Variants in NWD2 observed in about 807,000 individuals in gnomAD.
NWD2 encodes the protein NACHT and WD repeat domain-containing protein 2.
NWD2 carries 37 observed loss-of-function variants against 132.7 expected under a neutral mutation model. That is an observed-to-expected ratio of 0.28 (90% confidence interval 0.21 to 0.37). The LOEUF is 0.37. NWD2 is among the 10% of genes least tolerant of loss of function. The pLI is 1.00. For missense variants in NWD2, 1,592 were observed against 2,122.4 expected, an observed-to-expected ratio of 0.75 and a Z score of 4.91; for synonymous variants, 705 against 803.0, an observed-to-expected ratio of 0.88 and a Z score of 2.06.
At chr4:37,425,037 A>T (rs1560252528) in intron 3 of NWD2, among the ~76,000 whole-genome samples, 1 of 152,242 alleles carries the variant, frequency 6.6e-6, no homozygotes, top group Non-Finnish European at 1.5e-5. Flanking sequence ...AGTGGCTTAG[A>T]TGTAGCTATA....
intron 3 of NWD2, among the ~76,000 whole-genome samples, chr4:37,360,724 A>G (rs1445160410): frequency 6.6e-6 from 1 of 152,176 alleles, no homozygotes. Flanking sequence ...TTGTAGAGGG[A>G]GAGGAATACG....
At chr4:37,259,252 T>C (rs1350658756) in intron 1 of NWD2, among the ~76,000 whole-genome samples, 1 of 152,194 alleles carries the variant, frequency 6.6e-6, no homozygotes, top group Non-Finnish European at 1.5e-5. Flanking sequence ...TCTTATGCAG[T>C]TATGTGGATT....
At chr4:37,354,742 G>A (rs933282492) in intron 2 of NWD2, among the ~76,000 whole-genome samples, 1 of 152,272 alleles carries the variant, frequency 6.6e-6, no homozygotes, top group South Asian at 2.1e-4. Context: ...AGATGGAAAA[G>A]TTCATCTTTT....
intron 1 of NWD2, among the ~76,000 whole-genome samples, chr4:37,317,668 A>G (rs1054955950): frequency 1.3e-5 from 2 of 152,142 alleles, no homozygotes; most frequent in African/African-American, 4.8e-5. Flanking sequence ...CATGCCTTTG[A>G]TCTTTGGCTG....
At chr4:37,266,321 G>T (rs903423728) in intron 1 of NWD2, among the ~76,000 whole-genome samples, 1 of 152,014 alleles carries the variant, frequency 6.6e-6, no homozygotes, top group African/African-American at 2.4e-5. Context: ...CTTTGAAACA[G>T]CTATGATCAG....
At chr4:37,419,257 G>T (rs2109322111) in intron 3 of NWD2, among the ~76,000 whole-genome samples, 1 of 152,212 alleles carries the variant, frequency 6.6e-6, no homozygotes, top group Non-Finnish European at 1.5e-5. Flanking sequence ...ACTCAAGATG[G>T]ATTAAAGACT....
chr4:37,303,525 A>T (rs1718648179), intron 1 of NWD2, among the ~76,000 whole-genome samples: 2 of 152,166 alleles, frequency 1.3e-5, no homozygotes, highest in Non-Finnish European at 1.5e-5. Context: ...GATTACATTG[A>T]ATCTGTAGAT....
At chr4:37,312,180 C>A (rs1268694628) in intron 1 of NWD2, among the ~76,000 whole-genome samples, 4 of 151,434 alleles carry the variant, frequency 2.6e-5, no homozygotes, top group Non-Finnish European at 5.9e-5. Context: ...TCATTGGTAG[C>A]TTGATGGGGA....
intron 1 of NWD2, among the ~76,000 whole-genome samples, chr4:37,311,501 T>G (rs78773917): frequency 0.84 from 122,982 of 146,734 alleles, 52,041 homozygotes; most frequent in African/African-American, 0.92. Context: ...TTCTTGTAAA[T>G]TTGTTTGAGT....
chr4:37,280,658 T>A (rs1470228158), intron 1 of NWD2, among the ~76,000 whole-genome samples: 3 of 152,100 alleles, frequency 2.0e-5, no homozygotes, highest in African/African-American at 7.2e-5. Flanking sequence ...TCAAGCTAGG[T>A]TAACTCTAGA....
intron 2 of NWD2, among the ~76,000 whole-genome samples, chr4:37,326,914 G>A (rs376398213): frequency 1.3e-5 from 2 of 152,104 alleles, no homozygotes; most frequent in South Asian, 4.1e-4. Context: ...CTTCTAATAT[G>A]TTGTATAAAG....
chr4:37,315,541 C>G (rs946329322), intron 1 of NWD2, among the ~76,000 whole-genome samples: 1 of 151,952 alleles, frequency 6.6e-6, no homozygotes, highest in African/African-American at 2.4e-5. Context: ...TTTTGGTTTA[C>G]TGCATATCTT....
At chr4:37,245,284 T>A in intron 1 of NWD2, 66 bp downstream of exon 1, 1 of 1,461,028 alleles carries the variant, frequency 6.8e-7, no homozygotes, top group Non-Finnish European at 9.1e-7. Context: ...AGCTGGAGAG[T>A]GTGTGTCCGC....
At chr4:37,260,183 C>T (rs750973119) in intron 1 of NWD2, among the ~76,000 whole-genome samples, 6 of 152,224 alleles carry the variant, frequency 3.9e-5, no homozygotes, top group South Asian at 2.1e-4. Flanking sequence ...TGAGGTGTGA[C>T]GTTCTTGTCC....
rs1396666564 is a variant in NWD2 at position 37,314,896 on chromosome 4, G to T, written c.152-11040G>T. Among the ~76,000 whole-genome samples the T allele has an allele frequency of 2.0e-5, 3 of 152,134 alleles. No individual in the cohort carries two copies. The East Asian group carries it at 5.8e-4, about 29-fold the overall frequency. On this transcript the variant is annotated intron_variant, in intron 1 of 6. Coordinates refer to ENST00000309447, the MANE Select transcript of NWD2 (RefSeq NM_001144990.2). ...ACCTTTACTTTTACAGGTGTTCAAA[G>T]ATATAAATTTCATTCTAACCACTGC...
At chr4:37,347,835 A>G (rs1288902908) in intron 2 of NWD2, among the ~76,000 whole-genome samples, 2 of 152,186 alleles carry the variant, frequency 1.3e-5, no homozygotes, top group East Asian at 3.9e-4. Context: ...TTCCTCAACC[A>G]CATCCAAATG....
chr4:37,245,436 C>T (rs1717218678), intron 1 of NWD2, among the ~76,000 whole-genome samples: 2 of 152,168 alleles, frequency 1.3e-5, no homozygotes, highest in South Asian at 4.1e-4. Flanking sequence ...GACACCCATT[C>T]TCCACCCCGG....
rs531431802 is a variant in NWD2, at chr4:37,304,560, G to A, written c.152-21376G>A. Among the ~76,000 whole-genome samples the A allele has an allele frequency of 6.0e-4, 91 of 151,950 alleles. No homozygotes were observed. In the South Asian group the frequency reaches 9.8e-3, roughly 16 times the overall value. ...TAGTCACTTCTGGGATACAGTGGGGGTACAGGCATTGGGTAAATGCTCCCA... is the reference window on the plus strand; with the variant it reads ...TAGTCACTTCTGGGATACAGTGGGGATACAGGCATTGGGTAAATGCTCCCA... On this transcript the variant is annotated intron_variant, in intron 1 of 6. Coordinates refer to ENST00000309447, the MANE Select transcript of NWD2 (RefSeq NM_001144990.2).
intron 3 of NWD2, among the ~76,000 whole-genome samples, chr4:37,373,431 T>G (rs1031047830): frequency 5.3e-5 from 8 of 152,192 alleles, no homozygotes; most frequent in African/African-American, 1.9e-4. Flanking sequence ...TTGTCAAAGC[T>G]CAATCAGTAC....
Sources: allele counts gnomAD v4.1 joint callset (sites outside exome capture counted in the v4.1 genomes callset), GRCh38; gene constraint gnomAD v4.1.1; transcripts MANE v1.5; gene names NCBI Gene and HGNC (gene_info 2026-07-23, HGNC 2026-07-21).